Variants in SNX7 observed in about 807,000 individuals in gnomAD.
SNX7 encodes sorting nexin-7.
A neutral mutation model predicts 48.4 loss-of-function variants in SNX7; 35 were observed. The observed-to-expected ratio is 0.72, with a 90% confidence interval of 0.55 to 0.96. The LOEUF is 0.96. Ranked by LOEUF, SNX7 falls within the 40% of genes least tolerant of loss-of-function variation. The pLI, the probability that SNX7 is intolerant of heterozygous loss-of-function variation, is 0.00. For missense variants in SNX7, 553 were observed against 548.9 expected, an observed-to-expected ratio of 1.01 and a Z score of -0.07; for synonymous variants, 190 against 190.2, an observed-to-expected ratio of 1.00 and a Z score of 0.01.
At chr1:98,728,917 C>T (rs1448137229) in intron 7 of SNX7, among the ~76,000 whole-genome samples, 5 of 152,132 alleles carry the variant, frequency 3.3e-5, no homozygotes, top group Admixed American at 1.3e-4. Context: ...ATATTCAGTA[C>T]TTAAACTCAG....
Position 98,752,776 on chromosome 1 carries a change from T to C in SNX7, c.1279-7278T>C, listed in dbSNP as rs375939766. Among the ~76,000 whole-genome samples, 4 of 152,204 alleles carry C rather than the reference T, an allele frequency of 2.6e-5. No individual in the cohort carries two copies. The South Asian group carries it at 6.2e-4, about 24-fold the overall frequency. On this transcript the variant is annotated intron_variant, in intron 8 of 8. Coordinates refer to ENST00000306121, the MANE Select transcript of SNX7 (RefSeq NM_015976.5). ...GTATAGATCTGTTCCTAGAAATATA[T>C]GCAGAATTTCCAAGATATATAAAGG... is the stretch of plus-strand genomic sequence containing the variant.
chr1:98,661,726 C>CT lies in SNX7; in HGVS notation c.-5dup. The CT allele has an allele frequency of 8.2e-7, 1 of 1,223,084 alleles. No individual in the cohort carries two copies. The highest frequency in any genetic ancestry group is 3.3e-5 in the East Asian group (1 of 30,542). The allele number at this position is 1,223,084 out of a possible 1,614,324, so 75.8% of individuals were successfully genotyped here. A position where few individuals can be genotyped will look rare whatever the true frequency, so the allele number is the denominator to read the frequency against. ...GGTGGCGGCCGGCTGGGCGCGCACT[C>CT]TCGGGATGGAGGGCGAGCGCCGGGC... On this transcript the variant is annotated 5_prime_UTR_variant, in exon 1 of 9. Transcript: ENST00000306121.
intron 7 of SNX7, among the ~76,000 whole-genome samples, chr1:98,716,847 TA>T (rs1169864860): frequency 7.2e-5 from 11 of 151,972 alleles, no homozygotes; most frequent in Admixed American, 7.2e-4. Flanking sequence ...TTATCTTCTT[TA>T]AAAAATATAC....
intron 1 of SNX7, among the ~76,000 whole-genome samples, chr1:98,674,926 C>A (rs967313349): frequency 6.6e-6 from 1 of 152,110 alleles, no homozygotes; most frequent in East Asian, 1.9e-4. Flanking sequence ...TTTCACTGTT[C>A]TAGCTACAGG....
At position 98,667,696 on chromosome 1, in the gene SNX7, C is replaced by G. The variant is rs368942058; in HGVS notation, c.180+5785C>G. ...CACACCTGGTCCAGGAGTAGGGACT[C>G]TAACTACATTGCCTGCATTTGAAAT... On this transcript the variant is annotated intron_variant, in intron 1 of 8. Transcript: ENST00000306121. 1.4e-4 allele frequency among the ~76,000 whole-genome samples: 22 copies of G among 152,134 alleles called. No homozygotes were observed. The East Asian group carries it at 1.9e-3, about 13-fold the overall frequency.
intron 7 of SNX7, among the ~76,000 whole-genome samples, chr1:98,716,352 C>T (rs941540360): frequency 5.3e-5 from 8 of 152,300 alleles, no homozygotes; most frequent in Admixed American, 3.3e-4. Context: ...CTCCTCATCT[C>T]GCTGCTTTGA....
At chr1:98,677,988 TGC>T (rs1175158934) in intron 1 of SNX7, among the ~76,000 whole-genome samples, 49 of 127,762 alleles carry the variant, frequency 3.8e-4, no homozygotes, top group African/African-American at 1.8e-3. Context: ...TGTGTGTGTG[TGC>T]GTGTGTGTGT....
At chr1:98,677,917 A>G (rs926566242) in intron 1 of SNX7, among the ~76,000 whole-genome samples, 1 of 150,124 alleles carries the variant, frequency 6.7e-6, no homozygotes, top group African/African-American at 2.4e-5. Flanking sequence ...TATCATTCTA[A>G]TTTGTGAACT....
intron 1 of SNX7, among the ~76,000 whole-genome samples, chr1:98,666,415 C>CCAAAG (rs1409701147): frequency 6.6e-6 from 1 of 152,150 alleles, no homozygotes; most frequent in Non-Finnish European, 1.5e-5. Flanking sequence ...CGGAAACGTG[C>CCAAAG]CAAAGCAGGA....
chr1:98,665,303 A>ATT (rs1488399492), intron 1 of SNX7, among the ~76,000 whole-genome samples: 20 of 152,240 alleles, frequency 1.3e-4, no homozygotes, highest in African/African-American at 4.3e-4. Flanking sequence ...TGGTTCCCTG[A>ATT]AACTAGAGAT....
intron 2 of SNX7, among the ~76,000 whole-genome samples, chr1:98,685,747 C>G (rs1650758925): frequency 6.6e-6 from 1 of 152,090 alleles, no homozygotes; most frequent in Non-Finnish European, 1.5e-5. Flanking sequence ...AAAAGTACAT[C>G]TCTTTTTTTA....
At chr1:98,696,167 C>CT (rs77848287) in intron 5 of SNX7, among the ~76,000 whole-genome samples, 43 of 140,774 alleles carry the variant, frequency 3.1e-4, no homozygotes, top group Middle Eastern at 3.6e-3. Flanking sequence ...TTCCTATTTT[C>CT]TTTTTTTTTT....
intron 7 of SNX7, among the ~76,000 whole-genome samples, chr1:98,706,222 TATC>T (rs1003166335): frequency 6.6e-6 from 1 of 152,098 alleles, no homozygotes; most frequent in African/African-American, 2.4e-5. Flanking sequence ...TATAATATAT[TATC>T]ATATAGTGAT....
intron 8 of SNX7, among the ~76,000 whole-genome samples, chr1:98,753,267 G>T (rs1273938824): frequency 6.6e-6 from 1 of 151,986 alleles, no homozygotes; most frequent in Non-Finnish European, 1.5e-5. Context: ...TACTTTTTCT[G>T]CCTCTGGTAT....
intron 1 of SNX7, among the ~76,000 whole-genome samples, chr1:98,681,662 C>T (rs898953055): frequency 5.3e-5 from 8 of 151,984 alleles, no homozygotes; most frequent in African/African-American, 1.7e-4. Flanking sequence ...GAAATGGTTC[C>T]GGATTGAAGG....
chr1:98,729,496 A>ATT (rs36054593), intron 7 of SNX7, among the ~76,000 whole-genome samples: 80,886 of 148,944 alleles, frequency 0.54, 22,838 homozygotes, highest in Non-Finnish European at 0.63. Flanking sequence ...CCAGGAGCTG[A>ATT]TTTTTTTTTT....
At chr1:98,684,062 T>C (rs9726996) in intron 1 of SNX7, among the ~76,000 whole-genome samples, 8,508 of 152,242 alleles carry the variant, frequency 0.056, 753 homozygotes, top group African/African-American at 0.18. Flanking sequence ...ACAACCTTTA[T>C]GTCCACAGGT....
intron 1 of SNX7, among the ~76,000 whole-genome samples, chr1:98,682,111 T>A (rs9726119): frequency 0.7 from 92,563 of 131,772 alleles, 29,024 homozygotes; most frequent in South Asian, 0.76. Context: ...TTCCTTTTTT[T>A]AATTCCCTTT....
At chr1:98,720,790 A>G (rs1262258054) in intron 7 of SNX7, among the ~76,000 whole-genome samples, 1 of 152,054 alleles carries the variant, frequency 6.6e-6, no homozygotes, top group African/African-American at 2.4e-5. Context: ...TTTGTTTTAC[A>G]GTATGTTGCA....
Sources: gnomAD v4.1 joint callset for allele counts (sites outside exome capture counted in the v4.1 genomes callset) on GRCh38, gnomAD v4.1.1 for gene constraint, MANE v1.5 for transcripts, NCBI Gene and HGNC (gene_info 2026-07-23, HGNC 2026-07-21) for gene names.